OIT3: variants seen among roughly 807,000 people sequenced by gnomAD.
OIT3 encodes oncoprotein-induced transcript 3 protein.
A neutral mutation model predicts 52.2 loss-of-function variants in OIT3; 41 were observed. The ratio of observed to expected loss-of-function variants is 0.79; its 90% CI spans 0.61 to 1.02. The LOEUF (loss-of-function observed/expected upper bound fraction) is 1.02. OIT3 is among the 50% of genes least tolerant of loss of function. The pLI is 0.00. For synonymous variants in OIT3, 244 were observed against 276.9 expected, an observed-to-expected ratio of 0.88 and a Z score of 1.18; for missense variants, 634 against 715.5, an observed-to-expected ratio of 0.89 and a Z score of 1.30.
chr10:72,915,725 GA>G (rs1328557880), intron 6 of OIT3, among the ~76,000 whole-genome samples: 1 of 151,956 alleles, frequency 6.6e-6, no homozygotes, highest in Admixed American at 6.6e-5. Context: ...AATCTCCCAC[GA>G]AAGCACAAAC....
Position 72,913,244 on chromosome 10 carries a change from C to T in OIT3, c.791-64C>T, listed in dbSNP as rs768179833. On this transcript the variant is annotated intron_variant, in intron 5 of 8. Coordinates refer to ENST00000334011, the MANE Select transcript of OIT3 (RefSeq NM_152635.3). ...GGGTTGTGTGAGGGTGAAATTATTT[C>T]TCCTAAAAGCCTTCCTCCCGATTCA... 5.2e-6 allele frequency: 7 copies of T among 1,346,934 alleles called. 1 individual carries two copies. The South Asian group carries it at 8.2e-5, about 16-fold the overall frequency. The allele number at this position is 1,346,934 out of a possible 1,614,324, so 83.4% of individuals were successfully genotyped here.
chr10:72,919,746 AC>A (rs1846105995), intron 6 of OIT3, among the ~76,000 whole-genome samples: 1 of 152,148 alleles, frequency 6.6e-6, no homozygotes, highest in Non-Finnish European at 1.5e-5. Flanking sequence ...GTGATGAATC[AC>A]ATTTATTGAT....
chr10:72,899,462 G>A (rs532303829), intron 2 of OIT3, among the ~76,000 whole-genome samples: 78 of 152,078 alleles, frequency 5.1e-4, no homozygotes, highest in African/African-American at 1.8e-3. Context: ...AGGCGTGGTG[G>A]CAGGCAACTG....
At chr10:72,916,381 T>C in intron 6 of OIT3, among the ~76,000 whole-genome samples, 1 of 152,152 alleles carries the variant, frequency 6.6e-6, no homozygotes, top group Non-Finnish European at 1.5e-5. Flanking sequence ...TGTGTCAGTG[T>C]GTTCTCATCA....
chr10:72,912,117 T>A (rs1846034222), intron 5 of OIT3, among the ~76,000 whole-genome samples: 3 of 152,152 alleles, frequency 2.0e-5, no homozygotes, highest in African/African-American at 7.2e-5. Flanking sequence ...TATGGAAGCA[T>A]AAGACATTGA....
intron 6 of OIT3, among the ~76,000 whole-genome samples, chr10:72,917,372 G>A (rs1220423702): frequency 4.6e-5 from 7 of 151,478 alleles, no homozygotes; most frequent in Non-Finnish European, 8.8e-5. Flanking sequence ...TCTCCCCATC[G>A]TTTCCATGCC....
At chr10:72,922,456 C>T (rs955313637) in intron 6 of OIT3, among the ~76,000 whole-genome samples, 2 of 152,038 alleles carry the variant, frequency 1.3e-5, no homozygotes, top group Non-Finnish European at 2.9e-5. Context: ...ATTCTTTCCT[C>T]TGCTTGATCA....
chr10:72,918,734 C>T (rs1404868937), intron 6 of OIT3, among the ~76,000 whole-genome samples: 1 of 152,144 alleles, frequency 6.6e-6, no homozygotes, highest in Non-Finnish European at 1.5e-5. Flanking sequence ...ATCCCAGCAC[C>T]GTTTCCTCAT....
intron 8 of OIT3, 84 bp from the exon 9 acceptor site, chr10:72,932,269 AG>A (rs1268398950): frequency 1.7e-6 from 2 of 1,167,046 alleles, no homozygotes; most frequent in African/African-American, 3.0e-5. Flanking sequence ...CTTAATGTTT[AG>A]GAACATTTAG....
intron 1 of OIT3, among the ~76,000 whole-genome samples, chr10:72,897,207 A>G (rs1845882166): frequency 6.6e-6 from 1 of 151,950 alleles, no homozygotes; most frequent in South Asian, 2.1e-4. Context: ...TATTTTTAGT[A>G]GGGGTGGGGT....
At chr10:72,901,456 G>A (rs141227721) in intron 3 of OIT3, among the ~76,000 whole-genome samples, 1 of 152,300 alleles carries the variant, frequency 6.6e-6, no homozygotes, top group African/African-American at 2.4e-5. Context: ...TTAATGTTAT[G>A]AAGCTTTTTG....
At chr10:72,894,862 T>C (rs1349156045) in intron 1 of OIT3, among the ~76,000 whole-genome samples, 4 of 152,032 alleles carry the variant, frequency 2.6e-5, no homozygotes, top group Non-Finnish European at 5.9e-5. Flanking sequence ...CACTCCAGCC[T>C]GGGCAACAGA....
At chr10:72,931,751 ATTG>A (rs1193868773) in intron 8 of OIT3, among the ~76,000 whole-genome samples, 1 of 152,246 alleles carries the variant, frequency 6.6e-6, no homozygotes, top group Non-Finnish European at 1.5e-5. Context: ...ATTTTTTATC[ATTG>A]TTGTTAGAGT....
rs774432864 is a variant in OIT3 at position 72,913,335 on chromosome 10, T to C, written c.818T>C (p.Ile273Thr). The C allele has an allele frequency of 1.2e-6, 2 of 1,611,838 alleles. No individual in the cohort carries two copies. Among genetic ancestry groups the C allele is most frequent in the Non-Finnish European group, 1.7e-6 (2 of 1,178,210 alleles). The change falls in exon 6 of 9, where the codon ATT (isoleucine) becomes ACT (threonine). Residue 273 changes from isoleucine to threonine, a missense_variant. By Grantham distance (89) the Ile-to-Thr change is moderately conservative. Transcript: ENST00000334011. Reference protein sequence around the residue: ...QVPVLCKSNAIEVNIPRELVG... With the variant: ...QVPVLCKSNATEVNIPRELVG... ...CCTGTGTTGTGCAAATCAAATGCCA[T>C]TGAAGTGAACATCCCCAGGGAGCTG...
At chr10:72,899,604 A>G (rs984465541) in intron 2 of OIT3, among the ~76,000 whole-genome samples, 20 of 151,842 alleles carry the variant, frequency 1.3e-4, no homozygotes, top group Admixed American at 9.2e-4. Context: ...TCAAAAAAAA[A>G]AAAAAAAGAA....
At chr10:72,919,599 C>T (rs1846104751) in intron 6 of OIT3, among the ~76,000 whole-genome samples, 1 of 152,052 alleles carries the variant, frequency 6.6e-6, no homozygotes. Flanking sequence ...ATATATGGCT[C>T]TTATTATTTT....
At chr10:72,899,359 G>A (rs1165525823) in intron 2 of OIT3, among the ~76,000 whole-genome samples, 2 of 152,170 alleles carry the variant, frequency 1.3e-5, no homozygotes, top group Non-Finnish European at 2.9e-5. Context: ...CACTTTGGGA[G>A]GCTGAGGCAG....
chr10:72,918,463 C>T, intron 6 of OIT3: 1 of 940,232 alleles, frequency 1.1e-6, no homozygotes, highest in Non-Finnish European at 1.7e-6. Flanking sequence ...TCTTTGTCAG[C>T]CTTAATTCAC....
At chr10:72,918,656 G>A (rs1846095770) in intron 6 of OIT3, 1 of 620,254 alleles carries the variant, frequency 1.6e-6, no homozygotes, top group South Asian at 1.9e-5. Flanking sequence ...AACCCATCTT[G>A]AGTTAATTTT....
Sources: allele counts gnomAD v4.1 joint callset (sites outside exome capture counted in the v4.1 genomes callset), GRCh38; gene constraint gnomAD v4.1.1; transcripts MANE v1.5; gene names NCBI Gene and HGNC (gene_info 2026-07-23, HGNC 2026-07-21).